The following KCNN3 variants were observed in gnomAD, a reference collection of about 807,000 sequenced individuals.
The protein encoded by KCNN3 is small conductance calcium-activated potassium channel protein 3.
In KCNN3, 16 loss-of-function variants were observed where a neutral mutation model predicts 62.9. The observed-to-expected ratio is 0.25, with a 90% CI of 0.17 to 0.39. The LOEUF (loss-of-function observed/expected upper bound fraction) is 0.39, where lower values mean the gene tolerates loss of function less well. Ranked by LOEUF, KCNN3 falls within the 10% of genes least tolerant of loss-of-function variation. The probability of loss-of-function intolerance (pLI) is 1.00; values close to 1 mark genes in which losing one functional copy is unlikely to be tolerated. For synonymous variants in KCNN3, 370 were observed against 389.2 expected, an observed-to-expected ratio of 0.95 and a Z score of 0.58; for missense variants, 599 against 949.4, an observed-to-expected ratio of 0.63 and a Z score of 4.85.
At chr1:154,806,180 G>C (rs1650165565) in intron 2 of KCNN3, among the ~76,000 whole-genome samples, 1 of 152,184 alleles carries the variant, frequency 6.6e-6, no homozygotes, top group Non-Finnish European at 1.5e-5. Context: ...GAGTGTTCCT[G>C]GTCACCAGCT....
chr1:154,736,860 CGTGCTAACTGTGT>C (rs1700722158), intron 3 of KCNN3, among the ~76,000 whole-genome samples: 1 of 152,108 alleles, frequency 6.6e-6, no homozygotes, highest in Non-Finnish European at 1.5e-5. Flanking sequence ...AACTCCTGTG[CGTGCTAACTGTGT>C]GTGCTGAGGA....
intron 3 of KCNN3, among the ~76,000 whole-genome samples, chr1:154,756,488 C>A (rs996315816): frequency 6.6e-5 from 10 of 152,210 alleles, no homozygotes; most frequent in African/African-American, 2.2e-4. Flanking sequence ...TGCCACACCC[C>A]CCTTCATCTG....
chr1:154,767,380 G>C (rs907268620), intron 3 of KCNN3, among the ~76,000 whole-genome samples: 1 of 152,144 alleles, frequency 6.6e-6, no homozygotes, highest in African/African-American at 2.4e-5. Context: ...CAAAGTGAAG[G>C]GTCCAAAGGG....
chr1:154,754,440 A>C (rs1458401803), intron 3 of KCNN3, among the ~76,000 whole-genome samples: 3 of 152,180 alleles, frequency 2.0e-5, no homozygotes, highest in African/African-American at 7.2e-5. Flanking sequence ...CCTCTTCTTC[A>C]TTAGTAAGAG....
At chr1:154,781,377 A>G (rs1649040792) in intron 2 of KCNN3, among the ~76,000 whole-genome samples, 1 of 152,208 alleles carries the variant, frequency 6.6e-6, no homozygotes, top group South Asian at 2.1e-4. Context: ...GTGTAATGTG[A>G]AGACTTGGAT....
In KCNN3 at chr1:154,793,691, C is replaced by G. The variant is rs142886079; in HGVS notation, c.1030-21298G>C. 1.9e-3 allele frequency among the ~76,000 whole-genome samples: 295 copies of G among 152,232 alleles called. 5 individuals are homozygous for G. The highest frequency in any genetic ancestry group is 6.2e-3 in the African/African-American group (258 of 41,534). On this transcript the variant is annotated intron_variant, in intron 2 of 7. Transcript: ENST00000271915. The stretch of plus-strand genomic sequence containing the variant: ...TGGGGGGAAAGGCAGAAATAGAACA[C>G]AAAAAGCCTGCAGTGAAATACCTCT...
intron 1 of KCNN3, among the ~76,000 whole-genome samples, chr1:154,857,884 G>A (rs1352253141): frequency 1.3e-5 from 2 of 152,150 alleles, no homozygotes; most frequent in South Asian, 2.1e-4. Flanking sequence ...ACCCGGTGTT[G>A]CTTTGGAGTC....
intron 3 of KCNN3, among the ~76,000 whole-genome samples, chr1:154,766,483 C>T (rs1648291099): frequency 7.8e-6 from 1 of 128,218 alleles, no homozygotes; most frequent in Admixed American, 8.5e-5. Flanking sequence ...TCCCATGGAT[C>T]ACTGTGCGTG....
chr1:154,811,085 G>A (rs1403818593), intron 2 of KCNN3, among the ~76,000 whole-genome samples: 1 of 152,204 alleles, frequency 6.6e-6, no homozygotes, highest in Non-Finnish European at 1.5e-5. Flanking sequence ...CAGCACACAA[G>A]AGATCAACAG....
chr1:154,838,042 TC>T (rs1447941874), intron 1 of KCNN3, among the ~76,000 whole-genome samples: 2 of 152,082 alleles, frequency 1.3e-5, no homozygotes, highest in African/African-American at 4.8e-5. Context: ...CTCACCCCTC[TC>T]CCTCCAGCTG....
At chr1:154,837,908 G>C (rs898788926) in intron 1 of KCNN3, among the ~76,000 whole-genome samples, 4 of 152,226 alleles carry the variant, frequency 2.6e-5, no homozygotes, top group Non-Finnish European at 5.9e-5. Context: ...AGCCAGGGCT[G>C]TGTGCCGTGG....
At chr1:154,795,323 C>T (rs1649686286) in intron 2 of KCNN3, among the ~76,000 whole-genome samples, 1 of 152,228 alleles carries the variant, frequency 6.6e-6, no homozygotes. Context: ...GGTAGGCTGA[C>T]TGCGTGAAAG....
chr1:154,753,240 A>G (rs1247674667), intron 3 of KCNN3, among the ~76,000 whole-genome samples: 1 of 152,146 alleles, frequency 6.6e-6, no homozygotes, highest in East Asian at 1.9e-4. Flanking sequence ...CATTTTCTCC[A>G]AAAAAGTCTA....
chr1:154,866,405 G>T (rs373270114), intron 1 of KCNN3, among the ~76,000 whole-genome samples: 147 of 152,180 alleles, frequency 9.7e-4, no homozygotes, highest in African/African-American at 3.4e-3. Flanking sequence ...CTCCCTACTC[G>T]ACAGCTGGGG....
chr1:154,714,983 A>T lies in KCNN3; in HGVS notation c.1722T>A (p.Asn574Lys). The T allele has an allele frequency of 6.2e-7, 1 of 1,613,722 alleles. No individual in the cohort carries two copies. ...LTKRIKNAAA[N>K]VLRETWLIYK... ...AGATTAACCATGTTTCCCGAAGGACATTGGCTGCAGCATTCTTGATCTAAG... is the reference window on the plus strand; with the variant it reads ...AGATTAACCATGTTTCCCGAAGGACTTTGGCTGCAGCATTCTTGATCTAAG... The change falls in exon 6 of 8, where the codon AAT becomes AAA. Residue 574 changes from asparagine to lysine, a missense_variant. By Grantham distance (94) the Asn-to-Lys change is moderately conservative. Coordinates refer to ENST00000271915, the MANE Select transcript of KCNN3 (RefSeq NM_002249.6).
chr1:154,822,123 C>A lies in KCNN3; in HGVS notation c.995G>T (p.Gly332Val). 5 of 1,614,090 alleles carry A rather than the reference C, an allele frequency of 3.1e-6. No individual in the cohort carries two copies. Among genetic ancestry groups the A allele is most frequent in the Non-Finnish European group, 4.2e-6 (5 of 1,179,982 alleles). The change falls in exon 2 of 8, where the codon GGC (glycine) becomes GTC (valine). Residue 332 changes from glycine to valine, a missense_variant. This residue lies in a region of KCNN3 where 288 missense variants were observed against 557.4 expected (regional missense o/e 0.52). Transcript: ENST00000271915. ...LISLSTIILL[G>V]LIIAYHTREV... ...ACGTGTGTGGTAGGCGATGATCAAG[C>A]CCAAAAGGATGATGGTGGACAGACT... is the stretch of plus-strand genomic sequence containing the variant.
intron 5 of KCNN3, among the ~76,000 whole-genome samples, chr1:154,724,700 C>T (rs1263531150): frequency 6.6e-6 from 1 of 152,196 alleles, no homozygotes; most frequent in Admixed American, 6.5e-5. Context: ...GCTAAATGGT[C>T]TACCCATTCC....
At chr1:154,737,321 ACTATGGATTT>A (rs1481161258) in intron 3 of KCNN3, among the ~76,000 whole-genome samples, 1 of 152,120 alleles carries the variant, frequency 6.6e-6, no homozygotes, top group Non-Finnish European at 1.5e-5. Flanking sequence ...CAGGGTGTGG[ACTATGGATTT>A]TTTTTCACTT....
chr1:154,869,080 A>C lies in KCNN3; in HGVS notation c.885T>G (p.Ile295Met). 1 of 1,614,142 alleles carries C rather than the reference A, an allele frequency of 6.2e-7. No homozygotes were observed. The highest frequency in any genetic ancestry group is 1.1e-5 in the South Asian group (1 of 91,076). The change falls in exon 1 of 8, where the codon ATT becomes ATG. Residue 295 changes from isoleucine to methionine, a missense_variant. This residue lies in a region of KCNN3 where 288 missense variants were observed against 557.4 expected (regional missense o/e 0.52). Coordinates refer to ENST00000271915, the MANE Select transcript of KCNN3 (RefSeq NM_002249.6). This position sits in a 1 kb window ranked among gnomAD's most constrained non-coding sequence, Gnocchi z 6.1. ...DYALIFGMFGIVVMVIETELS... is the reference protein window; with the variant it reads ...DYALIFGMFGMVVMVIETELS... ...GCTCGGTCTCTATCACCATAACAACAATTCCAAACATCCCAAAAATCAGAG... is the reference window on the plus strand; with the variant it reads ...GCTCGGTCTCTATCACCATAACAACCATTCCAAACATCCCAAAAATCAGAG...
Sources: allele counts gnomAD v4.1 joint callset (sites outside exome capture counted in the v4.1 genomes callset), GRCh38; gene constraint gnomAD v4.1.1; regional missense constraint gnomAD v4.1.1; non-coding constraint Gnocchi (gnomAD v3.1); transcripts MANE v1.5; gene names NCBI Gene and HGNC (gene_info 2026-07-23, HGNC 2026-07-21).